Variants in ATP8B4 observed in about 807,000 individuals in gnomAD.
ATP8B4 encodes the protein probable phospholipid-transporting ATPase IM.
ATP8B4 carries 133 observed loss-of-function variants against 145.6 expected under a neutral mutation model. That is an observed-to-expected ratio of 0.91 (90% CI 0.79 to 1.05). The LOEUF is 1.05. Ranked by LOEUF, ATP8B4 falls within the 50% of genes least tolerant of loss-of-function variation. The pLI, the probability that ATP8B4 is intolerant of heterozygous loss-of-function variation, is 0.00. For synonymous variants in ATP8B4, 507 were observed against 492.9 expected (o/e 1.03, Z -0.38); for missense variants, 1,458 against 1,425.2 (o/e 1.02, Z -0.37).
intron 26 of ATP8B4, among the ~76,000 whole-genome samples, chr15:49,863,971 G>A (rs946072501): frequency 6.6e-6 from 1 of 152,136 alleles, no homozygotes; most frequent in Non-Finnish European, 1.5e-5. Context: ...GTCTCATTAT[G>A]CATCACAGTG....
chr15:49,862,457 A>C, intron 26 of ATP8B4, 82 bp from the exon 27 acceptor site: 1 of 1,445,214 alleles, frequency 6.9e-7, no homozygotes, highest in Non-Finnish European at 9.3e-7. Flanking sequence ...TTCCTACAAG[A>C]TCTTTTTTTT....
At chr15:49,987,317 G>C in intron 10 of ATP8B4, 74 bp downstream of exon 10, 1 of 1,507,424 alleles carries the variant, frequency 6.6e-7, no homozygotes. Flanking sequence ...TCAGAACACA[G>C]AGAATCATAG....
At chr15:49,962,097 C>A in intron 13 of ATP8B4, 77 bp from the exon 14 acceptor site, 1 of 1,119,136 alleles carries the variant, frequency 8.9e-7, no homozygotes, top group Non-Finnish European at 1.3e-6. Flanking sequence ...AAGGAATACA[C>A]TTATTATTTA....
intron 6 of ATP8B4, 46 bp from the exon 7 acceptor site, chr15:50,010,963 A>G (rs2048682613): frequency 7.6e-7 from 1 of 1,318,028 alleles, no homozygotes; most frequent in Non-Finnish European, 1.0e-6. Flanking sequence ...TGAAGAATTG[A>G]AAGTATAACC....
At chr15:50,029,255 A>AAAAAAAAAAAAAAGAAAAAAAAAAAAAAC (rs776952913) in intron 6 of ATP8B4, among the ~76,000 whole-genome samples, 1 of 141,164 alleles carries the variant, frequency 7.1e-6, no homozygotes, top group Non-Finnish European at 1.6e-5. Flanking sequence ...AAAAAAAAAA[A>AAAAAAAAAAAAAAGAAAAAAAAAAAAAAC]AACAGAAAAA....
chr15:50,004,173 G>A (rs1222905359), intron 7 of ATP8B4, among the ~76,000 whole-genome samples: 2 of 152,138 alleles, frequency 1.3e-5, no homozygotes, highest in African/African-American at 2.4e-5. Context: ...GAGGCCTGCT[G>A]TTCCCTTTTG....
chr15:49,903,002 G>C (rs1408796960), intron 20 of ATP8B4, among the ~76,000 whole-genome samples: 4 of 152,038 alleles, frequency 2.6e-5, no homozygotes, highest in Non-Finnish European at 5.9e-5. Flanking sequence ...TATTTACTTA[G>C]GATTTTTTTC....
At chr15:49,897,632 A>G in intron 22 of ATP8B4, 117 bp from the exon 23 acceptor site, 1 of 840,136 alleles carries the variant, frequency 1.2e-6, no homozygotes, top group Non-Finnish European at 1.7e-6. Flanking sequence ...ATAATTTTTC[A>G]CATATATTAT....
chr15:50,153,628 C>T (rs571822400), intron 1 of ATP8B4, among the ~76,000 whole-genome samples: 11 of 129,172 alleles, frequency 8.5e-5, no homozygotes, highest in South Asian at 2.7e-4. Context: ...TGAGCCACTG[C>T]GCCCAGCCTA....
At chr15:49,882,388 T>C (rs1476172282) in intron 23 of ATP8B4, among the ~76,000 whole-genome samples, 4 of 152,206 alleles carry the variant, frequency 2.6e-5, no homozygotes, top group Non-Finnish European at 5.9e-5. Flanking sequence ...TACTTCTAGA[T>C]ACATATGTTC....
chr15:50,015,019 C>G (rs1599817186), intron 6 of ATP8B4, among the ~76,000 whole-genome samples: 1 of 152,090 alleles, frequency 6.6e-6, no homozygotes, highest in Non-Finnish European at 1.5e-5. Flanking sequence ...GATAGATGTA[C>G]AATGAAACAC....
chr15:50,098,177 T>G (rs914118254), intron 2 of ATP8B4, among the ~76,000 whole-genome samples: 1 of 150,352 alleles, frequency 6.7e-6, no homozygotes, highest in Admixed American at 6.7e-5. Flanking sequence ...TAAATTGAAA[T>G]AGTATGTGTA....
At chr15:50,105,416 C>A (rs1262227316) in intron 2 of ATP8B4, among the ~76,000 whole-genome samples, 1 of 152,004 alleles carries the variant, frequency 6.6e-6, no homozygotes, top group Non-Finnish European at 1.5e-5. Flanking sequence ...ATCATTCTTT[C>A]AATTCTGTAA....
chr15:50,014,212 T>C (rs945419053), intron 6 of ATP8B4, among the ~76,000 whole-genome samples: 9 of 152,120 alleles, frequency 5.9e-5, no homozygotes, highest in Non-Finnish European at 8.8e-5. Context: ...GTCAATATAA[T>C]TGACCTCCCC....
intron 14 of ATP8B4, among the ~76,000 whole-genome samples, chr15:49,947,323 T>G (rs1221388780): frequency 6.7e-6 from 1 of 150,332 alleles, no homozygotes; most frequent in Non-Finnish European, 1.5e-5. Flanking sequence ...CCCAGCTACT[T>G]GGGAGGCTGA....
chr15:50,035,998 C>T (rs2050805828), intron 6 of ATP8B4, among the ~76,000 whole-genome samples: 1 of 152,204 alleles, frequency 6.6e-6, no homozygotes, highest in Admixed American at 6.5e-5. Context: ...CCCCTCCAGC[C>T]ATTTTACTTT....
At chr15:49,868,845 A>G (rs551462093) in intron 25 of ATP8B4, among the ~76,000 whole-genome samples, 1 of 152,368 alleles carries the variant, frequency 6.6e-6, no homozygotes, top group Non-Finnish European at 1.5e-5. Context: ...TATTTAAATA[A>G]CTATGAAAAT....
At chr15:49,889,069 G>A (rs1305312022) in intron 23 of ATP8B4, among the ~76,000 whole-genome samples, 1 of 151,624 alleles carries the variant, frequency 6.6e-6, no homozygotes, top group Middle Eastern at 3.2e-3. Flanking sequence ...TCCAAATAAA[G>A]CAAACATTTT....
chr15:50,160,038 T>TTTTTTTG (rs2044492829), intron 1 of ATP8B4, among the ~76,000 whole-genome samples: 5 of 143,558 alleles, frequency 3.5e-5, no homozygotes, highest in Non-Finnish European at 4.5e-5. Flanking sequence ...TTTTTTTTTT[T>TTTTTTTG]GCTGGGAGAC....
Sources: allele counts gnomAD v4.1 joint callset (sites outside exome capture counted in the v4.1 genomes callset), GRCh38; gene constraint gnomAD v4.1.1; transcripts MANE v1.5; gene names NCBI Gene and HGNC (gene_info 2026-07-23, HGNC 2026-07-21).